The following SNX17 variants were observed in gnomAD, a reference collection of about 807,000 sequenced individuals.
SNX17 encodes the protein sorting nexin-17.
In SNX17, 35 loss-of-function variants were observed where a neutral mutation model predicts 64.3. The ratio of observed to expected loss-of-function variants is 0.54; its 90% CI spans 0.42 to 0.72. The LOEUF (loss-of-function observed/expected upper bound fraction) is 0.72. Ranked by LOEUF, SNX17 falls within the 30% of genes least tolerant of loss-of-function variation. The probability of loss-of-function intolerance (pLI) is 0.00; values close to 1 mark genes in which losing one functional copy is unlikely to be tolerated. For synonymous variants in SNX17, 259 were observed against 230.2 expected (o/e 1.13, Z -1.13); for missense variants, 538 against 610.0 (o/e 0.88, Z 1.24).
In SNX17 at chr2:27,377,028, G is replaced by A; in HGVS notation, c.*309G>A. The A allele has an allele frequency of 2.3e-6, 1 of 425,680 alleles. No individual in the cohort carries two copies. Among genetic ancestry groups the A allele is most frequent in the South Asian group, 2.3e-5 (1 of 44,148 alleles). 26.4% of individuals were successfully genotyped at this position (425,680 alleles called of 1,614,324 possible). On this transcript the variant is annotated 3_prime_UTR_variant, in exon 15 of 15. Coordinates refer to ENST00000233575, the MANE Select transcript of SNX17 (RefSeq NM_014748.4). This position sits in a 1 kb window ranked among gnomAD's most constrained non-coding sequence, Gnocchi z 4.4. ...CCATATCTCCCTCTGGGCCGCTTCTGGCCTCTTGGAGCCATGGGCCAAAGG... is the reference window on the plus strand; with the variant it reads ...CCATATCTCCCTCTGGGCCGCTTCTAGCCTCTTGGAGCCATGGGCCAAAGG...
In SNX17 at chr2:27,372,603, G is replaced by GT; in HGVS notation, c.139-19dup. 6.2e-7 allele frequency: 1 copy of GT among 1,614,144 alleles called. No individual in the cohort carries two copies. The highest frequency in any genetic ancestry group is 8.5e-7 in the Non-Finnish European group (1 of 1,180,000). On this transcript the variant is annotated intron_variant, in intron 2 of 14. Coordinates refer to ENST00000233575, the MANE Select transcript of SNX17 (RefSeq NM_014748.4). The stretch of plus-strand genomic sequence containing the variant: ...ATTTTCTGTGTTTATGTGAAGGGTT[G>GT]TATCTCTTTCTCTAAATAGCTTCGG...
At chr2:27,373,148 C>G in intron 3 of SNX17, 99 bp from the exon 4 acceptor site, 1 of 1,605,844 alleles carries the variant, frequency 6.2e-7, no homozygotes, top group Non-Finnish European at 8.5e-7. Flanking sequence ...AGGCCACCAT[C>G]AGCCCAGGAA....
rs1558307204 is a variant in SNX17 at position 27,376,114 on chromosome 2, G to A, written c.1113G>A (p.Met371Ile). Residue 371 changes from methionine (M) to isoleucine (I), a missense_variant, in exon 12 of 15, where the codon ATG (methionine) becomes ATA (isoleucine). Met to Ile is a conservative substitution (Grantham distance 10, BLOSUM62 1). Coordinates refer to ENST00000233575, the MANE Select transcript of SNX17 (RefSeq NM_014748.4). ...ACTCTTCTTGCCCTCAGGCTATCAT[G>A]ATGAGCATCTGCTTGCAGTCCATGG... ...WVTITSPQAIMMSICLQSMVD... is the reference protein window; with the variant it reads ...WVTITSPQAIIMSICLQSMVD... 1 of 1,614,144 alleles carries A rather than the reference G, an allele frequency of 6.2e-7. No individual in the cohort carries two copies. Among genetic ancestry groups the A allele is most frequent in the Non-Finnish European group, 8.5e-7 (1 of 1,180,026 alleles).
In SNX17 at chr2:27,377,008, TCTCC is replaced by T. The variant is rs1558309123; in HGVS notation, c.*293_*296del. 1 of 444,054 alleles carries T rather than the reference TCTCC, an allele frequency of 2.3e-6. No homozygotes were observed. Among genetic ancestry groups the T allele is most frequent in the Admixed American group, 3.7e-5 (1 of 27,262 alleles). The allele number at this position is 444,054 out of a possible 1,614,324, so 27.5% of individuals were successfully genotyped here. On this transcript the variant is annotated 3_prime_UTR_variant, in exon 15 of 15. Coordinates refer to ENST00000233575, the MANE Select transcript of SNX17 (RefSeq NM_014748.4). The surrounding 1 kb of genome is among the most constrained non-coding windows in gnomAD (Gnocchi z 4.4). ...CTGCCTGCCTTGGGGAGGAACCATA[TCTCC>T]CTCTGGGCCGCTTCTGGCCTCTTGG...
In SNX17 at chr2:27,375,370, C is replaced by G. The variant is rs1237140369; in HGVS notation, c.775-136C>G. On this transcript the variant is annotated intron_variant, in intron 9 of 14. Transcript: ENST00000233575. The surrounding 1 kb of genome is among the most constrained non-coding windows in gnomAD (Gnocchi z 4.1). Reference sequence around the variant, plus strand: ...AGCCAGGATGGTCTTGAGCTCCTGACCTTGTGATCTGTCTGCCTCTGCCTC... The same window carrying G: ...AGCCAGGATGGTCTTGAGCTCCTGAGCTTGTGATCTGTCTGCCTCTGCCTC... 3.2e-6 allele frequency: 3 copies of G among 948,168 alleles called. No homozygotes were observed. In the African/African-American group the frequency reaches 4.9e-5, roughly 15 times the overall value. 58.7% of individuals were successfully genotyped at this position (948,168 alleles called of 1,614,324 possible).
chr2:27,370,795 T>C lies in SNX17; in HGVS notation c.52T>C (p.Ser18Pro). The change falls in exon 1 of 15, where the codon TCC (serine) becomes CCC (proline). Residue 18 changes from serine to proline, a missense_variant. This residue lies in a region of SNX17 where 27 missense variants were observed against 38.2 expected (regional missense o/e 0.71). Transcript: ENST00000233575. ...GTCCCGCAGCGGGGACAGCGGCGGCTCCGCCTACGTGGTGAGGAGCGGCCG... is the reference window on the plus strand; with the variant it reads ...GTCCCGCAGCGGGGACAGCGGCGGCCCCGCCTACGTGGTGAGGAGCGGCCG... ...TESRSGDSGG[S>P]AYVAYNIHVN... The C allele has an allele frequency of 6.5e-7, 1 of 1,544,692 alleles. No homozygotes were observed. Among genetic ancestry groups the C allele is most frequent in the African/African-American group, 1.4e-5 (1 of 73,000 alleles).
intron 1 of SNX17, 98 bp from the exon 2 acceptor site, chr2:27,371,171 G>C (rs906177477): frequency 5.6e-6 from 6 of 1,073,840 alleles, no homozygotes; most frequent in African/African-American, 1.5e-5. Context: ...AGATTAGCGC[G>C]TTACTCCGGC....
chr2:27,370,840 A>G, intron 1 of SNX17, 34 bp downstream of exon 1: 2 of 1,530,982 alleles, frequency 1.3e-6, no homozygotes, highest in African/African-American at 1.4e-5. Context: ...CGGGCCGGGC[A>G]GGGGCGGGGA....
chr2:27,375,413 T>G lies in SNX17; in HGVS notation c.775-93T>G. On this transcript the variant is annotated intron_variant, in intron 9 of 14. Coordinates refer to ENST00000233575, the MANE Select transcript of SNX17 (RefSeq NM_014748.4). The surrounding 1 kb of genome is among the most constrained non-coding windows in gnomAD (Gnocchi z 4.1). ...TCTGCCTCCTAAAGTGCTGGGATTA[T>G]AGGCATGAGCCACCGCGCCCGACCG... 7.5e-7 allele frequency: 1 copy of G among 1,328,712 alleles called. No homozygotes were observed. The highest frequency in any genetic ancestry group is 1.1e-6 in the Non-Finnish European group (1 of 937,076). 82.3% of individuals were successfully genotyped at this position (1,328,712 alleles called of 1,614,324 possible).
In SNX17 at chr2:27,375,131, A is replaced by C; in HGVS notation, c.752A>C (p.Gln251Pro). ...KEQHRQLKSLQEKVSKKEFLR... is the reference protein window; with the variant it reads ...KEQHRQLKSLPEKVSKKEFLR... Reference sequence around the variant, plus strand: ...CAGCACCGGCAACTCAAATCTCTGCAAGAGAAAGTCTCCAAGAAGGAGGTG... The same window carrying C: ...CAGCACCGGCAACTCAAATCTCTGCCAGAGAAAGTCTCCAAGAAGGAGGTG... Residue 251 changes from glutamine to proline, a missense_variant, in exon 9 of 15, where the codon CAA becomes CCA. Gln to Pro is a moderately conservative substitution (Grantham distance 76). This residue lies in a region of SNX17 where 505 missense variants were observed against 550.4 expected (regional missense o/e 0.92). Coordinates refer to ENST00000233575, the MANE Select transcript of SNX17 (RefSeq NM_014748.4). This position sits in a 1 kb window ranked among gnomAD's most constrained non-coding sequence, Gnocchi z 4.1. 1 of 1,614,100 alleles carries C rather than the reference A, an allele frequency of 6.2e-7. No homozygotes were observed. The highest frequency in any genetic ancestry group is 8.5e-7 in the Non-Finnish European group (1 of 1,179,998).
At chr2:27,376,079 C>G in intron 11 of SNX17, 27 bp from the exon 12 acceptor site, 7 of 1,613,938 alleles carry the variant, frequency 4.3e-6, no homozygotes, top group Non-Finnish European at 5.9e-6. Context: ...CCACTCTCAT[C>G]AAGCTGGACA....
chr2:27,374,528 G>C lies in SNX17; in HGVS notation c.611+95G>C, dbSNP rs529686599. 2.4e-5 allele frequency: 31 copies of C among 1,309,680 alleles called. No individual in the cohort carries two copies. The South Asian group carries it at 2.7e-4, about 12-fold the overall frequency. The allele number at this position is 1,309,680 out of a possible 1,614,324, so 81.1% of individuals were successfully genotyped here. On this transcript the variant is annotated intron_variant, in intron 7 of 14. Transcript: ENST00000233575. ...GAGACAGAATAATCTGGACAAGGGG[G>C]TGTAGTGCTGGGTGTTTCTGCCAGG... is the stretch of plus-strand genomic sequence containing the variant.
rs1216333643 is a variant in SNX17, at chr2:27,377,112, AGCCTGACTGCT to A, written c.*398_*408del. 2.5e-6 allele frequency: 1 copy of A among 405,848 alleles called. No individual in the cohort carries two copies. The highest frequency in any genetic ancestry group is 4.6e-6 in the Non-Finnish European group (1 of 216,240). 25.1% of individuals were successfully genotyped at this position (405,848 alleles called of 1,614,324 possible). ...GGCCCAGTTCCCCATCATTAAACTC[AGCCTGACTGCT>A]GCCTACCTCTGGTTCCCTCTCACTG... is the stretch of plus-strand genomic sequence containing the variant. On this transcript the variant is annotated 3_prime_UTR_variant, in exon 15 of 15. Transcript: ENST00000233575. This position sits in a 1 kb window ranked among gnomAD's most constrained non-coding sequence, Gnocchi z 4.4.
At chr2:27,371,456 T>G in intron 2 of SNX17, 113 bp downstream of exon 2, 1 of 1,453,682 alleles carries the variant, frequency 6.9e-7, no homozygotes, top group African/African-American at 1.4e-5. Context: ...TCCCCTTTAA[T>G]CACTGCCACA....
chr2:27,375,825 G>T lies in SNX17; in HGVS notation c.979-21G>T. Reference sequence around the variant, plus strand: ...CAGGTTGGTCAGAGTGAACTCAACCGAATTCCCCTTCCTCTCCCAGGTACC... The same window carrying T: ...CAGGTTGGTCAGAGTGAACTCAACCTAATTCCCCTTCCTCTCCCAGGTACC... On this transcript the variant is annotated intron_variant, in intron 10 of 14. Coordinates refer to ENST00000233575, the MANE Select transcript of SNX17 (RefSeq NM_014748.4). The surrounding 1 kb of genome is among the most constrained non-coding windows in gnomAD (Gnocchi z 4.1). The T allele has an allele frequency of 6.2e-7, 1 of 1,612,862 alleles. No homozygotes were observed. Among genetic ancestry groups the T allele is most frequent in the South Asian group, 1.1e-5 (1 of 90,964 alleles).
At position 27,376,883 on chromosome 2, in the gene SNX17, C is replaced by T; in HGVS notation, c.*164C>T. 2 of 623,254 alleles carry T rather than the reference C, an allele frequency of 3.2e-6. No individual in the cohort carries two copies. Among genetic ancestry groups the T allele is most frequent in the Middle Eastern group, 8.6e-4 (2 of 2,322 alleles). 38.6% of individuals were successfully genotyped at this position (623,254 alleles called of 1,614,324 possible). On this transcript the variant is annotated 3_prime_UTR_variant, in exon 15 of 15. Transcript: ENST00000233575. ...CTCGTATCCTACCTTTCCTTGTCCCCTGGGCTGGCTGCACAGAGGATTGCC... is the reference window on the plus strand; with the variant it reads ...CTCGTATCCTACCTTTCCTTGTCCCTTGGGCTGGCTGCACAGAGGATTGCC...
Position 27,377,296 on chromosome 2 carries a change from GGGCAGT to G in SNX17, c.*578_*583del, listed in dbSNP as rs1458905842. On this transcript the variant is annotated 3_prime_UTR_variant, in exon 15 of 15. Transcript: ENST00000233575. The surrounding 1 kb of genome is among the most constrained non-coding windows in gnomAD (Gnocchi z 4.4). ...AAGTTAAATAAACAGGTGGGAGGCT[GGGCAGT>G]CCCCCAGCCGGTTTGTCCACAGCCC... The G allele has an allele frequency of 3.1e-6, 2 of 643,370 alleles. No individual in the cohort carries two copies. Among genetic ancestry groups the G allele is most frequent in the Non-Finnish European group, 5.6e-6 (2 of 357,772 alleles). The allele number at this position is 643,370 out of a possible 1,614,324, so 39.9% of individuals were successfully genotyped here.
intron 13 of SNX17, 45 bp downstream of exon 13, chr2:27,376,432 T>C (rs752557239): frequency 1.2e-6 from 2 of 1,613,974 alleles, no homozygotes; most frequent in East Asian, 4.5e-5. Context: ...CAGCCCTGCC[T>C]CACCTCTCCT....
At position 27,374,804 on chromosome 2, in the gene SNX17, G is replaced by A. The variant is rs114750537; in HGVS notation, c.681+46G>A. On this transcript the variant is annotated intron_variant, in intron 8 of 14. Transcript: ENST00000233575. ...GAACCCTTCCCCTGAAGAAAATAAC[G>A]GGTGACTCACTCTCCCAAGAAAACT... The A allele has an allele frequency of 4.0e-3, 6,312 of 1,562,704 alleles. 218 individuals carry two copies. In the African/African-American group the frequency reaches 0.073, roughly 18 times the overall value.
Sources: gnomAD v4.1 joint callset for allele counts on GRCh38, gnomAD v4.1.1 for gene constraint, gnomAD v4.1.1 regional missense constraint, Gnocchi (gnomAD v3.1) non-coding constraint, MANE v1.5 for transcripts, NCBI Gene and HGNC (gene_info 2026-07-23, HGNC 2026-07-21) for gene names.